Variants in AGBL1 observed in about 807,000 individuals in gnomAD.
AGBL1 encodes AGBL carboxypeptidase 1.
In AGBL1, 130 loss-of-function variants were observed where a neutral mutation model predicts 118.9. The ratio of observed to expected loss-of-function variants is 1.09; its 90% confidence interval spans 0.95 to 1.26. The LOEUF (loss-of-function observed/expected upper bound fraction) is 1.26. Ranked by LOEUF, AGBL1 falls within the 50% of genes most tolerant of loss-of-function variation. The pLI is 0.00. For missense variants in AGBL1, 1,584 were observed against 1,298.1 expected (o/e 1.22, Z -3.38); for synonymous variants, 555 against 478.9 (o/e 1.16, Z -2.08).
chr15:86,235,253 C>G (rs1412507559), intron 6 of AGBL1, among the ~76,000 whole-genome samples: 1 of 152,152 alleles, frequency 6.6e-6, no homozygotes, highest in East Asian at 1.9e-4. Context: ...ATTTCTTAAG[C>G]TATTGACTCT....
At chr15:86,756,490 G>A (rs1215537629) in intron 22 of AGBL1, among the ~76,000 whole-genome samples, 3 of 149,836 alleles carry the variant, frequency 2.0e-5, no homozygotes, top group Non-Finnish European at 4.4e-5. Context: ...GCCCTTCCAT[G>A]CCATGGGTGT....
intron 17 of AGBL1, among the ~76,000 whole-genome samples, chr15:86,386,846 G>C (rs946640109): frequency 1.4e-4 from 21 of 152,206 alleles, no homozygotes; most frequent in South Asian, 1.0e-3. Flanking sequence ...CTATTATAGT[G>C]CCTGTTGCAT....
rs574664728 is a variant in AGBL1, at chr15:86,855,415, G to A, written c.3159-51672G>A. 2.5e-4 allele frequency among the ~76,000 whole-genome samples: 38 copies of A among 152,286 alleles called. No homozygotes were observed. In the South Asian group the frequency reaches 7.7e-3, roughly 31 times the overall value. ...TTGAGTTCCAGGGCTTGAATGATAT[G>A]TGTGGGTCTTCCTCATAGATTTGGG... On this transcript the variant is annotated intron_variant, in intron 22 of 22. Transcript: ENST00000614907.
intron 17 of AGBL1, among the ~76,000 whole-genome samples, chr15:86,309,938 C>A (rs2079894917): frequency 6.6e-6 from 1 of 152,118 alleles, no homozygotes. Flanking sequence ...GTAAAGCTGG[C>A]CTTGAAAAAT....
intron 22 of AGBL1, among the ~76,000 whole-genome samples, chr15:86,785,499 C>A (rs2078398286): frequency 6.6e-6 from 1 of 151,610 alleles, no homozygotes; most frequent in Admixed American, 6.6e-5. Flanking sequence ...CTCAGCCTCC[C>A]AAGTAGCTAG....
intron 21 of AGBL1, among the ~76,000 whole-genome samples, chr15:86,578,393 T>G: frequency 6.6e-6 from 1 of 152,230 alleles, no homozygotes; most frequent in Admixed American, 6.5e-5. Context: ...ACTAACTTGC[T>G]TTTGATTTTA....
At chr15:86,822,889 G>A (rs1198501372) in intron 22 of AGBL1, among the ~76,000 whole-genome samples, 2 of 152,058 alleles carry the variant, frequency 1.3e-5, no homozygotes, top group African/African-American at 2.4e-5. Context: ...TTGACCTAAG[G>A]GCAGGATTTA....
chr15:86,533,889 AC>A (rs1225604493), intron 19 of AGBL1, among the ~76,000 whole-genome samples: 1 of 89,690 alleles, frequency 1.1e-5, no homozygotes, highest in African/African-American at 5.1e-5. Context: ...GCATATTCTC[AC>A]TCATAGGTGG....
chr15:86,722,104 G>C (rs574150496), intron 22 of AGBL1, among the ~76,000 whole-genome samples: 3 of 152,038 alleles, frequency 2.0e-5, no homozygotes, highest in African/African-American at 7.2e-5. Context: ...TAGATTCAAT[G>C]CCATCCCCAT....
chr15:86,893,101 T>C (rs1332484036), intron 22 of AGBL1, among the ~76,000 whole-genome samples: 1 of 152,174 alleles, frequency 6.6e-6, no homozygotes, highest in African/African-American at 2.4e-5. Context: ...GAGTTGCTCT[T>C]TTCTCGCCTG....
rs2084687756 is a variant in AGBL1 at position 86,613,777 on chromosome 15, C to T, written c.2994+59240C>T. The stretch of plus-strand genomic sequence containing the variant: ...ATCACCAGGGAGCTTGTTAGAAATG[C>T]AGAATTTCAGACCCCATCCCAGACC... On this transcript the variant is annotated intron_variant, in intron 21 of 22. Coordinates refer to ENST00000614907, the MANE Select transcript of AGBL1 (RefSeq NM_001386094.1). This position sits in a 1 kb window ranked among gnomAD's most constrained non-coding sequence, Gnocchi z 4.2. Among the ~76,000 whole-genome samples the T allele has an allele frequency of 6.6e-6, 1 of 152,156 alleles. No homozygotes were observed. Among genetic ancestry groups the T allele is most frequent in the African/African-American group, 2.4e-5 (1 of 41,438 alleles).
At chr15:86,311,277 A>G (rs2079917065) in intron 17 of AGBL1, among the ~76,000 whole-genome samples, 1 of 152,070 alleles carries the variant, frequency 6.6e-6, no homozygotes, top group Admixed American at 6.5e-5. Context: ...TAGTTAGTCT[A>G]TTATTCTGCA....
At chr15:86,079,689 G>A, upstream of AGBL1, 1 of 300,048 alleles carries the variant, frequency 3.3e-6, no homozygotes. Flanking sequence ...GCCTGGAGGT[G>A]GGTGAGTGAC....
chr15:86,380,434 G>A (rs117582546), intron 17 of AGBL1, among the ~76,000 whole-genome samples: 7,532 of 150,266 alleles, frequency 0.05, 345 homozygotes, highest in East Asian at 0.24. Flanking sequence ...ACAGGCGTGC[G>A]CCACCTGAGC....
At chr15:86,156,094 A>C (rs1443624728) in intron 4 of AGBL1, among the ~76,000 whole-genome samples, 1 of 151,814 alleles carries the variant, frequency 6.6e-6, no homozygotes, top group Non-Finnish European at 1.5e-5. Context: ...GCTAATTTTT[A>C]TATTTTAGTA....
At chr15:86,449,623 G>A (rs1188577439) in intron 18 of AGBL1, among the ~76,000 whole-genome samples, 1 of 152,218 alleles carries the variant, frequency 6.6e-6, no homozygotes, top group Non-Finnish European at 1.5e-5. Flanking sequence ...GTAATGAATA[G>A]CACATAAAGC....
chr15:86,549,608 GT>G (rs1479041678), intron 20 of AGBL1, among the ~76,000 whole-genome samples: 5 of 152,116 alleles, frequency 3.3e-5, no homozygotes, highest in Admixed American at 3.3e-4. Flanking sequence ...CTACAATTTT[GT>G]GAAGAATCAA....
At chr15:86,457,172 G>A (rs377214211) in intron 18 of AGBL1, among the ~76,000 whole-genome samples, 1 of 115,670 alleles carries the variant, frequency 8.6e-6, no homozygotes, top group African/African-American at 3.0e-5. Context: ...ATCTTTCTAT[G>A]TTTTTAAAAT....
intron 17 of AGBL1, among the ~76,000 whole-genome samples, chr15:86,380,662 C>A (rs1216133092): frequency 1.3e-5 from 2 of 151,456 alleles, no homozygotes; most frequent in East Asian, 1.9e-4. Context: ...CTAAACCCTG[C>A]AAGAAAAAAG....
Sources: gnomAD v4.1 joint callset for allele counts (sites outside exome capture counted in the v4.1 genomes callset) on GRCh38, gnomAD v4.1.1 for gene constraint, Gnocchi (gnomAD v3.1) non-coding constraint, MANE v1.5 for transcripts, NCBI Gene and HGNC (gene_info 2026-07-23, HGNC 2026-07-21) for gene names.